FBXL18: variants seen among roughly 807,000 people sequenced by gnomAD.
FBXL18 encodes F-box/LRR-repeat protein 18.
A neutral mutation model predicts 46.0 loss-of-function variants in FBXL18; 36 were observed. The ratio of observed to expected loss-of-function variants is 0.78; its 90% CI spans 0.60 to 1.03. The LOEUF (loss-of-function observed/expected upper bound fraction) is 1.03, where lower values mean the gene tolerates loss of function less well. FBXL18 is among the 50% of genes least tolerant of loss of function. The probability of loss-of-function intolerance (pLI) is 0.00; values close to 1 mark genes in which losing one functional copy is unlikely to be tolerated. For missense variants in FBXL18, 977 were observed against 1,004.1 expected (o/e 0.97, Z 0.36); for synonymous variants, 557 against 465.3 (o/e 1.20, Z -2.54).
chr7:5,467,145 A>C (rs1358323063), intron 4 of FBXL18, among the ~76,000 whole-genome samples: 2 of 152,116 alleles, frequency 1.3e-5, no homozygotes, highest in Non-Finnish European at 2.9e-5. Flanking sequence ...AGTTCAGGAG[A>C]TCGAGACCAT....
Position 5,501,189 on chromosome 7 carries a change from G to A in FBXL18, c.1080C>T (p.Asp360=), listed in dbSNP as rs1241234751. The A allele has an allele frequency of 1.2e-6, 2 of 1,613,278 alleles. No homozygotes were observed. Among genetic ancestry groups the A allele is most frequent in the African/African-American group, 1.3e-5 (1 of 74,962 alleles). ...LSGCVHCLSP[D]SLLRKAEDDI... The stretch of plus-strand genomic sequence containing the variant: ...CGTCCTCCGCCTTGCGGAGCAGCGA[G>A]TCTGGGGACAGGCAGTGGACGCAGC... The change falls in exon 3 of 5, where the codon GAC becomes GAT. Residue 360 remains aspartate (D), a synonymous_variant. Transcript: ENST00000382368.
chr7:5,495,347 C>G (rs982959499), intron 3 of FBXL18, among the ~76,000 whole-genome samples: 5 of 152,216 alleles, frequency 3.3e-5, no homozygotes, highest in Non-Finnish European at 7.3e-5. Flanking sequence ...AAGGATGGCC[C>G]GCTTCTGCCC....
At chr7:5,503,412 G>A (rs1432153472) in intron 2 of FBXL18, among the ~76,000 whole-genome samples, 3 of 152,144 alleles carry the variant, frequency 2.0e-5, no homozygotes, top group African/African-American at 7.2e-5. Context: ...GAGCACAGTG[G>A]TACAACAATA....
chr7:5,481,804 C>T lies in FBXL18; in HGVS notation c.2128G>A (p.Ala710Thr). ...CACCACAGGTTCGGCGGTTCCTCGG[C>T]CACTCTGCTCTTAAATAAGGTGATC... ...DEITLFKSRV[A>T]EEPPNLWW is the part of the protein sequence containing the mutation. The change falls in exon 5 of 5, where the codon GCC becomes ACC. Residue 710 changes from alanine (A) to threonine (T), a missense_variant. Ala to Thr is a moderately conservative substitution (Grantham distance 58, BLOSUM62 0). Coordinates refer to ENST00000382368, the MANE Select transcript of FBXL18 (RefSeq NM_024963.6). 11 of 1,613,556 alleles carry T rather than the reference C, an allele frequency of 6.8e-6. No homozygotes were observed. The highest frequency in any genetic ancestry group is 1.1e-5 in the South Asian group (1 of 91,086).
chr7:5,473,785 T>C (rs1280174209), downstream of FBXL18, among the ~76,000 whole-genome samples: 3 of 145,154 alleles, frequency 2.1e-5, no homozygotes, highest in South Asian at 2.2e-4. Context: ...AAAAAGCACA[T>C]GCACTGCAGA....
chr7:5,487,597 C>T (rs983301489), intron 4 of FBXL18, among the ~76,000 whole-genome samples: 1 of 152,192 alleles, frequency 6.6e-6, no homozygotes, highest in Non-Finnish European at 1.5e-5. Flanking sequence ...CAGGGCAGCT[C>T]TCGAAGACTG....
chr7:5,468,992 G>A (rs1204447764), intron 4 of FBXL18, among the ~76,000 whole-genome samples: 1 of 81,822 alleles, frequency 1.2e-5, no homozygotes, highest in Non-Finnish European at 2.7e-5. Context: ...ATGTGTGTGT[G>A]AATTGAGAGT....
chr7:5,509,011 G>A (rs1486649136), intron 1 of FBXL18, among the ~76,000 whole-genome samples: 1 of 151,992 alleles, frequency 6.6e-6, no homozygotes, highest in Non-Finnish European at 1.5e-5. Flanking sequence ...TCGGCAACAT[G>A]ATGAAACCCC....
rs1292973341 is a variant in FBXL18, at chr7:5,511,317, G to A, written c.18+2340C>T. Among the ~76,000 whole-genome samples the A allele has an allele frequency of 1.3e-4, 19 of 152,000 alleles. No individual in the cohort carries two copies. In the East Asian group the frequency reaches 3.5e-3, roughly 28 times the overall value. On this transcript the variant is annotated intron_variant, in intron 1 of 4. Coordinates refer to ENST00000382368, the MANE Select transcript of FBXL18 (RefSeq NM_024963.6). ...CCAGGGGCCGGGCGCAGTGGCTCACGCCTGTAATCTCAGCACTATGGGAGG... is the reference window on the plus strand; with the variant it reads ...CCAGGGGCCGGGCGCAGTGGCTCACACCTGTAATCTCAGCACTATGGGAGG...
chr7:5,488,502 C>G (rs968846084), intron 4 of FBXL18, among the ~76,000 whole-genome samples: 5 of 152,204 alleles, frequency 3.3e-5, no homozygotes, highest in Non-Finnish European at 7.3e-5. Flanking sequence ...AGCCGGCCCC[C>G]ATCGCCACAG....
chr7:5,454,784 A>G (rs371273600), intron 4 of FBXL18, among the ~76,000 whole-genome samples: 74 of 152,326 alleles, frequency 4.9e-4, no homozygotes, highest in African/African-American at 1.6e-3. Flanking sequence ...CCCAGGTTGC[A>G]GAGTGGGGAC....
intron 3 of FBXL18, among the ~76,000 whole-genome samples, chr7:5,493,915 C>G (rs1056151924): frequency 1.3e-5 from 2 of 150,884 alleles, no homozygotes; most frequent in African/African-American, 4.9e-5. Context: ...AGGCGGATCA[C>G]CTGAGGTCAG....
In FBXL18 at chr7:5,479,446, C is replaced by T. The variant is rs1452329397; in HGVS notation, c.*2329G>A. The T allele has an allele frequency of 6.6e-6, 1 of 152,184 alleles. No individual in the cohort carries two copies. The highest frequency in any genetic ancestry group is 1.5e-5 in the Non-Finnish European group (1 of 68,078). 9.4% of individuals were successfully genotyped at this position (152,184 alleles called of 1,614,324 possible). A position where few individuals can be genotyped will look rare whatever the true frequency, so the allele number is the denominator to read the frequency against. ...CCCAGGCCACTCGCCCCTGCCTGGTCGGAGAGCAAGAAGTGGTCAGTCCCA... is the reference window on the plus strand; with the variant it reads ...CCCAGGCCACTCGCCCCTGCCTGGTTGGAGAGCAAGAAGTGGTCAGTCCCA... On this transcript the variant is annotated 3_prime_UTR_variant, in exon 5 of 5. Coordinates refer to ENST00000382368, the MANE Select transcript of FBXL18 (RefSeq NM_024963.6).
At chr7:5,512,297 T>TAAAA (rs71004681) in intron 1 of FBXL18, among the ~76,000 whole-genome samples, 2 of 85,548 alleles carry the variant, frequency 2.3e-5, no homozygotes, top group Non-Finnish European at 4.9e-5. Context: ...AAGTGTTATT[T>TAAAA]AAAAAAAAAA....
In FBXL18 at chr7:5,510,302, CAAAAAAAAAAA is replaced by C. The variant is rs757878539; in HGVS notation, c.18+3344_18+3354del. ...TGGGCGAAAGAGTAAGACTCTGTCTCAAAAAAAAAAAAAAAAAAAGAAAAGAAAAAAAAACC... is the reference window on the plus strand; with the variant it reads ...TGGGCGAAAGAGTAAGACTCTGTCTCAAAAAAAAGAAAAGAAAAAAAAACC... On this transcript the variant is annotated intron_variant, in intron 1 of 4. Transcript: ENST00000382368. Among the ~76,000 whole-genome samples, 38 of 77,592 alleles carry C rather than the reference CAAAAAAAAAAA, an allele frequency of 4.9e-4. No homozygotes were observed. The East Asian group carries it at 5.1e-3, about 10-fold the overall frequency. The allele number at this position is 77,592 out of a possible 152,430, so 50.9% of individuals were successfully genotyped here.
intron 3 of FBXL18, among the ~76,000 whole-genome samples, chr7:5,497,613 C>T (rs1313535652): frequency 2.6e-5 from 4 of 152,186 alleles, no homozygotes; most frequent in African/African-American, 4.8e-5. Flanking sequence ...CGGCTGCTCC[C>T]GAGCAGACCC....
At chr7:5,486,539 G>A (rs1029805369) in intron 4 of FBXL18, among the ~76,000 whole-genome samples, 3 of 152,036 alleles carry the variant, frequency 2.0e-5, no homozygotes, top group African/African-American at 4.8e-5. Flanking sequence ...TGTAGTCCCA[G>A]GTACTGAGGA....
intron 1 of FBXL18, among the ~76,000 whole-genome samples, chr7:5,513,309 G>A (rs1023139760): frequency 1.3e-5 from 2 of 152,068 alleles, no homozygotes; most frequent in Non-Finnish European, 2.9e-5. Flanking sequence ...CACGGAGGGG[G>A]AATGTCCCAG....
At chr7:5,469,185 G>A (rs560524313) in intron 4 of FBXL18, among the ~76,000 whole-genome samples, 3 of 152,318 alleles carry the variant, frequency 2.0e-5, no homozygotes, top group African/African-American at 7.2e-5. Flanking sequence ...GCCGAAGTGG[G>A]TGGATCACCT....
Sources: gnomAD v4.1 joint callset for allele counts (sites outside exome capture counted in the v4.1 genomes callset) on GRCh38, gnomAD v4.1.1 for gene constraint, MANE v1.5 for transcripts, NCBI Gene and HGNC (gene_info 2026-07-23, HGNC 2026-07-21) for gene names.